NACC1: variants seen among roughly 807,000 people sequenced by gnomAD.
NACC1 encodes the protein nucleus accumbens-associated protein 1.
NACC1 carries 6 observed loss-of-function variants against 41.7 expected under a neutral mutation model. That is an observed-to-expected ratio of 0.14 (90% CI 0.08 to 0.28). The LOEUF (loss-of-function observed/expected upper bound fraction) is 0.28, where lower values mean the gene tolerates loss of function less well. Among genes scored for constraint, NACC1 ranks in the 10% least tolerant of loss-of-function variants. The pLI, the probability that NACC1 is intolerant of heterozygous loss-of-function variation, is 1.00. For missense variants in NACC1, 434 were observed against 763.7 expected (o/e 0.57, Z 5.09); for synonymous variants, 338 against 330.6 (o/e 1.02, Z -0.24).
chr19:13,131,277 G>A (rs978881550), intron 1 of NACC1, among the ~76,000 whole-genome samples: 1 of 152,174 alleles, frequency 6.6e-6, no homozygotes, highest in Non-Finnish European at 1.5e-5. Flanking sequence ...ACAGGCAGGT[G>A]CAGGATTTTG....
intron 1 of NACC1, among the ~76,000 whole-genome samples, chr19:13,129,429 CATTGGGCAGG>C (rs2019603791): frequency 6.6e-6 from 1 of 151,260 alleles, no homozygotes; most frequent in African/African-American, 2.5e-5. Flanking sequence ...CTCCTGAGTC[CATTGGGCAGG>C]ATTGGGCCGG....
At chr19:13,119,053 T>G (rs1172469813) in intron 1 of NACC1, among the ~76,000 whole-genome samples, 2 of 101,274 alleles carry the variant, frequency 2.0e-5, no homozygotes, top group South Asian at 3.0e-4. Flanking sequence ...GGGGGTCACA[T>G]GAGGTCAGGA....
chr19:13,140,774 G>T lies in NACC1; in HGVS notation c.*2368G>T. 6.6e-6 allele frequency: 1 copy of T among 151,784 alleles called. No homozygotes were observed. The highest frequency in any genetic ancestry group is 1.5e-5 in the Non-Finnish European group (1 of 68,086). 9.4% of individuals were successfully genotyped at this position (151,784 alleles called of 1,614,324 possible). A position where few individuals can be genotyped will look rare whatever the true frequency, so the allele number is the denominator to read the frequency against. On this transcript the variant is annotated 3_prime_UTR_variant, in exon 6 of 6. Coordinates refer to ENST00000292431, the MANE Select transcript of NACC1 (RefSeq NM_052876.4). The surrounding 1 kb of genome is among the most constrained non-coding windows in gnomAD (Gnocchi z 4.0). Reference sequence around the variant, plus strand: ...TCACCCTCCACCCCTACCCCTGGGCGGCCTGCTGCTTTTTCCTTCTCTTCC... The same window carrying T: ...TCACCCTCCACCCCTACCCCTGGGCTGCCTGCTGCTTTTTCCTTCTCTTCC...
At position 13,138,464 on chromosome 19, in the gene NACC1, C is replaced by T; in HGVS notation, c.*58C>T. ...CCCTCCCAACACACACACACACCTG[C>T]CATCTTGGTCATGAGCTACTGTCTG... On this transcript the variant is annotated 3_prime_UTR_variant, in exon 6 of 6. Transcript: ENST00000292431. The surrounding 1 kb of genome is among the most constrained non-coding windows in gnomAD (Gnocchi z 5.7). The T allele has an allele frequency of 1.3e-6, 2 of 1,582,516 alleles. No homozygotes were observed. Among genetic ancestry groups the T allele is most frequent in the Non-Finnish European group, 1.7e-6 (2 of 1,168,454 alleles).
chr19:13,132,782 C>T (rs1310755401), intron 1 of NACC1, among the ~76,000 whole-genome samples: 1 of 152,158 alleles, frequency 6.6e-6, no homozygotes, highest in East Asian at 1.9e-4. Context: ...CGTGTAATTT[C>T]TTGAATGATC....
upstream of NACC1, chr19:13,117,614 CATG>C (rs1311760370): frequency 6.8e-6 from 1 of 147,392 alleles, no homozygotes; most frequent in Non-Finnish European, 1.5e-5. Context: ...AGTGCAGTGG[CATG>C]ATCTCGGCTC....
intron 1 of NACC1, among the ~76,000 whole-genome samples, chr19:13,126,812 T>C (rs1020942601): frequency 6.6e-6 from 1 of 152,090 alleles, no homozygotes; most frequent in Non-Finnish European, 1.5e-5. Flanking sequence ...AGTAATTCTT[T>C]GTTCATTTTT....
chr19:13,129,126 G>A (rs1466810046), intron 1 of NACC1, among the ~76,000 whole-genome samples: 2 of 152,204 alleles, frequency 1.3e-5, no homozygotes, highest in African/African-American at 4.8e-5. Flanking sequence ...TGAGGGTGGA[G>A]GAAGAGGGTA....
rs2019740328 is a variant in NACC1 at position 13,138,551 on chromosome 19, C to T, written c.*145C>T. The T allele has an allele frequency of 1.6e-6, 2 of 1,234,252 alleles. No individual in the cohort carries two copies. Among genetic ancestry groups the T allele is most frequent in the Non-Finnish European group, 2.2e-6 (2 of 905,830 alleles). The allele number at this position is 1,234,252 out of a possible 1,614,324, so 76.5% of individuals were successfully genotyped here. A position where few individuals can be genotyped will look rare whatever the true frequency, so the allele number is the denominator to read the frequency against. Reference sequence around the variant, plus strand: ...CCGGCCCTCTGCCCCTCCTGTCCTACCCCCTTTCCCCACCGAGAGCTGGGC... The same window carrying T: ...CCGGCCCTCTGCCCCTCCTGTCCTATCCCCTTTCCCCACCGAGAGCTGGGC... On this transcript the variant is annotated 3_prime_UTR_variant, in exon 6 of 6. Coordinates refer to ENST00000292431, the MANE Select transcript of NACC1 (RefSeq NM_052876.4). This position sits in a 1 kb window ranked among gnomAD's most constrained non-coding sequence, Gnocchi z 5.7.
At chr19:13,123,385 AGGAGCT>A (rs1204039594) in intron 1 of NACC1, among the ~76,000 whole-genome samples, 1 of 152,172 alleles carries the variant, frequency 6.6e-6, no homozygotes, top group Non-Finnish European at 1.5e-5. Flanking sequence ...AGGCTCTCCA[AGGAGCT>A]GGAGCTGCTG....
intron 1 of NACC1, among the ~76,000 whole-genome samples, chr19:13,121,510 T>C (rs1237927017): frequency 6.6e-6 from 1 of 152,210 alleles, no homozygotes; most frequent in East Asian, 1.9e-4. Flanking sequence ...CAGCAGGTTC[T>C]TGAGCTGGGC....
Position 13,138,741 on chromosome 19 carries a change from C to T in NACC1, c.*335C>T, listed in dbSNP as rs573481394. 1 of 348,180 alleles carries T rather than the reference C, an allele frequency of 2.9e-6. No individual in the cohort carries two copies. The highest frequency in any genetic ancestry group is 3.2e-5 in the South Asian group (1 of 31,736). The allele number at this position is 348,180 out of a possible 1,614,324, so 21.6% of individuals were successfully genotyped here. On this transcript the variant is annotated 3_prime_UTR_variant, in exon 6 of 6. Coordinates refer to ENST00000292431, the MANE Select transcript of NACC1 (RefSeq NM_052876.4). This position sits in a 1 kb window ranked among gnomAD's most constrained non-coding sequence, Gnocchi z 5.7. ...GCTGGCCTGGGGGTCTTGGGAAGGC[C>T]CCTCCCCAGGCCCTAGGCCACCTCG...
Position 13,135,783 on chromosome 19 carries a change from G to T in NACC1, c.576G>T (p.Glu192Asp). ...AKRLWDSGQK[E>D]AGGGGNGSRK... ...GGCTGTGGGACAGTGGCCAGAAGGAGGCTGGGGGCGGCGGCAATGGCAGCC... is the reference window on the plus strand; with the variant it reads ...GGCTGTGGGACAGTGGCCAGAAGGATGCTGGGGGCGGCGGCAATGGCAGCC... Residue 192 changes from glutamate to aspartate, a missense_variant, in exon 2 of 6, where the codon GAG (glutamate) becomes GAT (aspartate). Coordinates refer to ENST00000292431, the MANE Select transcript of NACC1 (RefSeq NM_052876.4). 1 of 1,557,618 alleles carries T rather than the reference G, an allele frequency of 6.4e-7. No homozygotes were observed. Among genetic ancestry groups the T allele is most frequent in the East Asian group, 2.4e-5 (1 of 42,498 alleles).
At chr19:13,131,295 T>G (rs562317644) in intron 1 of NACC1, among the ~76,000 whole-genome samples, 97 of 152,302 alleles carry the variant, frequency 6.4e-4, no homozygotes, top group African/African-American at 2.2e-3. Flanking sequence ...TTGGCAGCAC[T>G]GCACACCTGT....
intron 1 of NACC1, among the ~76,000 whole-genome samples, chr19:13,125,070 A>T (rs527313195): frequency 6.6e-6 from 1 of 152,238 alleles, no homozygotes; most frequent in Admixed American, 6.5e-5. Flanking sequence ...CTGAGGTGAG[A>T]GGATAACTTG....
At chr19:13,118,815 G>A (rs1444387299) in intron 1 of NACC1, among the ~76,000 whole-genome samples, 5 of 140,440 alleles carry the variant, frequency 3.6e-5, no homozygotes, top group African/African-American at 1.1e-4. Flanking sequence ...AGGGGGAGGA[G>A]GAGTCGGGCT....
At chr19:13,126,734 T>C (rs755396123) in intron 1 of NACC1, among the ~76,000 whole-genome samples, 1 of 152,220 alleles carries the variant, frequency 6.6e-6, no homozygotes, top group Non-Finnish European at 1.5e-5. Context: ...ATAATGCTTC[T>C]GAGCCCTATT....
At chr19:13,121,978 C>T (rs2019500755) in intron 1 of NACC1, among the ~76,000 whole-genome samples, 1 of 152,174 alleles carries the variant, frequency 6.6e-6, no homozygotes, top group Admixed American at 6.6e-5. Flanking sequence ...TTTCATGTTC[C>T]TCGTGTCTGC....
At position 13,137,186 on chromosome 19, in the gene NACC1, G is replaced by T; in HGVS notation, c.1121-85G>T. 7.7e-7 allele frequency: 1 copy of T among 1,306,896 alleles called. No homozygotes were observed. The highest frequency in any genetic ancestry group is 1.7e-5 in the Admixed American group (1 of 57,774). The allele number at this position is 1,306,896 out of a possible 1,614,324, so 81.0% of individuals were successfully genotyped here. A position where few individuals can be genotyped will look rare whatever the true frequency, so the allele number is the denominator to read the frequency against. ...CCCAGAGCCCAGCAGGGAGGGCCTG[G>T]GGTGTTCTGAGATGAGGCCTGGTAT... On this transcript the variant is annotated intron_variant, in intron 3 of 5. Transcript: ENST00000292431. The surrounding 1 kb of genome is among the most constrained non-coding windows in gnomAD (Gnocchi z 6.1).
Sources: allele counts gnomAD v4.1 joint callset (sites outside exome capture counted in the v4.1 genomes callset), GRCh38; gene constraint gnomAD v4.1.1; non-coding constraint Gnocchi (gnomAD v3.1); transcripts MANE v1.5; gene names NCBI Gene and HGNC (gene_info 2026-07-23, HGNC 2026-07-21).